NR3C2: variants seen among roughly 807,000 people sequenced by gnomAD.
NR3C2 encodes nuclear receptor subfamily 3 group C member 2.
A neutral mutation model predicts 86.4 loss-of-function variants in NR3C2; 15 were observed. The ratio of observed to expected loss-of-function variants is 0.17; its 90% CI spans 0.12 to 0.27. The LOEUF is 0.27. Ranked by LOEUF, NR3C2 falls within the 10% of genes least tolerant of loss-of-function variation. NR3C2 has a pLI of 1.00. For missense variants in NR3C2, 960 were observed against 1,195.6 expected (o/e 0.80, Z 2.91); for synonymous variants, 458 against 450.5 (o/e 1.02, Z -0.21).
chr4:148,376,924 T>C (rs1378694753), intron 2 of NR3C2, among the ~76,000 whole-genome samples: 1 of 152,160 alleles, frequency 6.6e-6, no homozygotes, highest in Non-Finnish European at 1.5e-5. Context: ...AAGTTATACT[T>C]TTTTTGAAAT....
intron 2 of NR3C2, among the ~76,000 whole-genome samples, chr4:148,292,244 G>T (rs540470724): frequency 2.8e-4 from 43 of 151,834 alleles, no homozygotes; most frequent in African/African-American, 9.9e-4. Context: ...TTATAGCACA[G>T]AGAGATAAAT....
intron 2 of NR3C2, among the ~76,000 whole-genome samples, chr4:148,325,766 T>TC (rs968656189): frequency 6.6e-6 from 1 of 152,126 alleles, no homozygotes; most frequent in Non-Finnish European, 1.5e-5. Context: ...ACCACATACC[T>TC]CCCCTTACCT....
chr4:148,356,769 C>A (rs1484904913), intron 2 of NR3C2, among the ~76,000 whole-genome samples: 1 of 152,142 alleles, frequency 6.6e-6, no homozygotes, highest in East Asian at 1.9e-4. Flanking sequence ...TAAAAATTCA[C>A]TTTCCCACAA....
intron 2 of NR3C2, among the ~76,000 whole-genome samples, chr4:148,352,490 G>A (rs17024654): frequency 0.088 from 13,331 of 151,778 alleles, 851 homozygotes; most frequent in African/African-American, 0.19. Context: ...CCCAGGGGTT[G>A]CAAACTCACC....
At chr4:148,364,222 T>C (rs1031547427) in intron 2 of NR3C2, among the ~76,000 whole-genome samples, 4 of 152,184 alleles carry the variant, frequency 2.6e-5, no homozygotes, top group Admixed American at 2.6e-4. Flanking sequence ...ATTAATACCT[T>C]TAAATAACTC....
At chr4:148,439,539 T>C (rs1478237714) in intron 1 of NR3C2, among the ~76,000 whole-genome samples, 2 of 152,194 alleles carry the variant, frequency 1.3e-5, no homozygotes, top group Non-Finnish European at 1.5e-5. Flanking sequence ...CTGGTCATAG[T>C]CAAGAGGGCT....
intron 3 of NR3C2, among the ~76,000 whole-genome samples, chr4:148,245,617 G>C (rs1739278465): frequency 6.6e-6 from 1 of 152,078 alleles, no homozygotes; most frequent in Admixed American, 6.6e-5. Context: ...ACTGGAATTT[G>C]AACATAGCCT....
At chr4:148,405,648 A>G (rs1360851260) in intron 2 of NR3C2, among the ~76,000 whole-genome samples, 1 of 152,210 alleles carries the variant, frequency 6.6e-6, no homozygotes, top group Non-Finnish European at 1.5e-5. Flanking sequence ...AACTTGAGAG[A>G]CCTTTGGAAT....
At chr4:148,295,586 A>G (rs959272702) in intron 2 of NR3C2, among the ~76,000 whole-genome samples, 4 of 150,174 alleles carry the variant, frequency 2.7e-5, no homozygotes, top group Non-Finnish European at 4.4e-5. Flanking sequence ...CTGTAAGGCC[A>G]TGCCTCACTG....
intron 2 of NR3C2, among the ~76,000 whole-genome samples, chr4:148,414,132 A>G (rs1174192595): frequency 6.6e-6 from 1 of 152,238 alleles, no homozygotes; most frequent in East Asian, 1.9e-4. Context: ...ATCTAAATGT[A>G]TCATCACACA....
chr4:148,200,109 C>T (rs1736644776), intron 3 of NR3C2, among the ~76,000 whole-genome samples: 1 of 152,196 alleles, frequency 6.6e-6, no homozygotes, highest in Admixed American at 6.5e-5. Context: ...GTTAAGTGTT[C>T]AGTAAGCAAC....
chr4:148,370,686 C>G (rs893081459), intron 2 of NR3C2, among the ~76,000 whole-genome samples: 1 of 151,952 alleles, frequency 6.6e-6, no homozygotes, highest in Non-Finnish European at 1.5e-5. Flanking sequence ...ATATAGATAT[C>G]TGGAAAAAGC....
chr4:148,285,958 T>C (rs913027982), intron 2 of NR3C2, among the ~76,000 whole-genome samples: 9 of 152,240 alleles, frequency 5.9e-5, no homozygotes, highest in Admixed American at 3.9e-4. Context: ...ATGTTAGTTT[T>C]ATTCAAAGAA....
intron 3 of NR3C2, among the ~76,000 whole-genome samples, chr4:148,225,608 T>A (rs1339766867): frequency 6.6e-6 from 1 of 152,182 alleles, no homozygotes; most frequent in Non-Finnish European, 1.5e-5. Flanking sequence ...TTTATGGATA[T>A]TAAAATTTGA....
chr4:148,381,232 GAAAA>G (rs5862837), intron 2 of NR3C2, among the ~76,000 whole-genome samples: 1 of 134,054 alleles, frequency 7.5e-6, no homozygotes, highest in African/African-American at 2.7e-5. Context: ...TGTCTCAAAA[GAAAA>G]AAAAAAAAAG....
At chr4:148,372,471 G>T (rs1214157021) in intron 2 of NR3C2, among the ~76,000 whole-genome samples, 2 of 151,730 alleles carry the variant, frequency 1.3e-5, no homozygotes, top group Non-Finnish European at 2.9e-5. Flanking sequence ...GAACAGATGA[G>T]GTCACAAACC....
intron 2 of NR3C2, among the ~76,000 whole-genome samples, chr4:148,284,368 T>C (rs746429694): frequency 1.3e-5 from 2 of 152,080 alleles, no homozygotes; most frequent in African/African-American, 4.8e-5. Flanking sequence ...CATATATTAA[T>C]ACTCAACACA....
chr4:148,114,344 T>C, intron 7 of NR3C2, 83 bp from the exon 8 acceptor site: 1 of 1,458,734 alleles, frequency 6.9e-7, no homozygotes, highest in South Asian at 1.2e-5. Flanking sequence ...TATACTGATT[T>C]TGAGGTTAGA....
chr4:148,354,595 C>T (rs565323953), intron 2 of NR3C2, among the ~76,000 whole-genome samples: 10 of 151,986 alleles, frequency 6.6e-5, no homozygotes, highest in South Asian at 2.1e-4. Context: ...TTCTGCAGAA[C>T]GAATAGTTGT....
Sources: allele counts gnomAD v4.1 joint callset (sites outside exome capture counted in the v4.1 genomes callset), GRCh38; gene constraint gnomAD v4.1.1; transcripts MANE v1.5; gene names NCBI Gene and HGNC (gene_info 2026-07-23, HGNC 2026-07-21).